The following IFT56 variants were observed in gnomAD, a reference collection of about 807,000 sequenced individuals.
The protein encoded by IFT56 is intraflagellar transport protein 56.
chr7:139,185,143 G>A, the IFT56 span, among the ~76,000 whole-genome samples: 1 of 151,748 alleles, frequency 6.6e-6, no homozygotes, highest in East Asian at 1.9e-4. Context: ...CAAGGTTGCA[G>A]TGAGCTGTGA....
the IFT56 span, chr7:139,172,810 T>A: frequency 1.5e-6 from 1 of 651,930 alleles, no homozygotes; most frequent in Non-Finnish European, 3.0e-6. Context: ...GTTCATTTCA[T>A]TAGTTTTTCT....
the IFT56 span, among the ~76,000 whole-genome samples, chr7:139,188,099 T>G: frequency 1.7e-3 from 251 of 151,262 alleles, 1 homozygote; most frequent in Non-Finnish European, 2.0e-3. Flanking sequence ...TTTTTTTTCT[T>G]TCTTTCTTTT....
the IFT56 span, chr7:139,147,080 A>G: frequency 7.4e-4 from 1,178 of 1,600,746 alleles, 12 homozygotes; most frequent in African/African-American, 0.012. Context: ...TATCACATAG[A>G]TATTGATTTC....
At chr7:139,136,980 G>A in the IFT56 span, among the ~76,000 whole-genome samples, 1 of 152,174 alleles carries the variant, frequency 6.6e-6, no homozygotes, top group African/African-American at 2.4e-5. Flanking sequence ...GATTTCTAAT[G>A]TTGTAGAGTT....
chr7:139,168,217 C>T, the IFT56 span: 2,021 of 536,738 alleles, frequency 3.8e-3, 27 homozygotes, highest in East Asian at 0.01. Context: ...AGGGATAGAA[C>T]AGAGAAAAGT....
chr7:139,141,764 G>A, the IFT56 span, among the ~76,000 whole-genome samples: 1,004 of 152,324 alleles, frequency 6.6e-3, 14 homozygotes, highest in African/African-American at 0.024. Flanking sequence ...ACATAATTAT[G>A]CTAGAAAATC....
chr7:139,173,689 A>G, the IFT56 span: 1 of 771,908 alleles, frequency 1.3e-6, no homozygotes, highest in Admixed American at 1.7e-5. Context: ...GTGGCATAGC[A>G]TGATGGTGAC....
the IFT56 span, chr7:139,165,238 A>G: frequency 6.2e-7 from 1 of 1,607,238 alleles, no homozygotes. Context: ...CGTCAAGGTA[A>G]GAAAAATTTG....
chr7:139,154,392 G>A, the IFT56 span, among the ~76,000 whole-genome samples: 1,431 of 150,024 alleles, frequency 9.5e-3, 11 homozygotes, highest in Non-Finnish European at 0.014. Flanking sequence ...GTACTTTTGG[G>A]GTTATATTTA....
chr7:139,174,109 G>A, the IFT56 span: 82,290 of 594,264 alleles, frequency 0.14, 10,998 homozygotes, highest in African/African-American at 0.36. Context: ...AGCTTTTCTT[G>A]CCAATTGATG....
the IFT56 span, among the ~76,000 whole-genome samples, chr7:139,157,139 C>CTTTTTTTT: frequency 2.1e-4 from 17 of 82,084 alleles, no homozygotes; most frequent in Admixed American, 2.9e-4. Context: ...TCTTTAATTT[C>CTTTTTTTT]TTTTTTTTTT....
the IFT56 span, among the ~76,000 whole-genome samples, chr7:139,154,353 C>CT: frequency 0.15 from 19,838 of 131,626 alleles, 2,604 homozygotes; most frequent in African/African-American, 0.36. Context: ...CAAAGTTATC[C>CT]TTTTTTTTTT....
At chr7:139,147,343 CTTT>C in the IFT56 span, 1 of 1,480,404 alleles carries the variant, frequency 6.8e-7, no homozygotes, top group South Asian at 1.3e-5. Flanking sequence ...TTAGTTTCTT[CTTT>C]AACTAGTTTG....
At chr7:139,177,382 CCTT>C in the IFT56 span, among the ~76,000 whole-genome samples, 1 of 151,010 alleles carries the variant, frequency 6.6e-6, no homozygotes, top group Non-Finnish European at 1.5e-5. Flanking sequence ...TCCTAAGACT[CCTT>C]ATTCTGTTTA....
chr7:139,173,500 A>G, the IFT56 span: 2 of 730,552 alleles, frequency 2.7e-6, no homozygotes, highest in Non-Finnish European at 2.6e-6. Flanking sequence ...AAGTGCTGAG[A>G]TTACAGGTGT....
the IFT56 span, chr7:139,148,503 G>A: frequency 4.9e-6 from 4 of 812,900 alleles, no homozygotes; most frequent in Non-Finnish European, 7.6e-6. Context: ...TTGCCACTGT[G>A]ATTCTATAAG....
chr7:139,162,245 C>A, the IFT56 span, among the ~76,000 whole-genome samples: 1 of 152,004 alleles, frequency 6.6e-6, no homozygotes, highest in Non-Finnish European at 1.5e-5. Flanking sequence ...ATGCATGGGC[C>A]CCATCCCCAG....
At chr7:139,141,204 T>C in the IFT56 span, among the ~76,000 whole-genome samples, 4 of 147,828 alleles carry the variant, frequency 2.7e-5, no homozygotes, top group African/African-American at 1.0e-4. Flanking sequence ...GAGCTTGCAG[T>C]GAGCCGAGAT....
the IFT56 span, chr7:139,172,920 C>A: frequency 4.2e-6 from 3 of 717,246 alleles, no homozygotes; most frequent in Non-Finnish European, 7.9e-6. Context: ...TTTCCAGGTG[C>A]AGGAACAGCT....
Sources: allele counts gnomAD v4.1 joint callset (sites outside exome capture counted in the v4.1 genomes callset), GRCh38; gene constraint gnomAD v4.1.1; transcripts MANE v1.5; gene names NCBI Gene and HGNC (gene_info 2026-07-23, HGNC 2026-07-21).